SPAG9: variants seen among roughly 807,000 people sequenced by gnomAD.
SPAG9 encodes the protein C-Jun-amino-terminal kinase-interacting protein 4.
A neutral mutation model predicts 166.5 loss-of-function variants in SPAG9; 35 were observed. The observed-to-expected ratio is 0.21, with a 90% CI of 0.16 to 0.28. SPAG9 has a LOEUF of 0.28. SPAG9 is among the 10% of genes least tolerant of loss of function. The probability of loss-of-function intolerance (pLI) is 1.00; values close to 1 mark genes in which losing one functional copy is unlikely to be tolerated. For synonymous variants in SPAG9, 534 were observed against 565.5 expected (o/e 0.94, Z 0.79); for missense variants, 1,235 against 1,603.3 (o/e 0.77, Z 3.92).
chr17:51,070,298 C>G (rs1284178136), intron 2 of SPAG9, among the ~76,000 whole-genome samples: 1 of 152,138 alleles, frequency 6.6e-6, no homozygotes, highest in Non-Finnish European at 1.5e-5. Context: ...TATATCAGCT[C>G]TGTGTGCTAA....
At chr17:50,980,291 C>T (rs1328328887) in intron 25 of SPAG9, among the ~76,000 whole-genome samples, 1 of 151,962 alleles carries the variant, frequency 6.6e-6, no homozygotes, top group East Asian at 2.0e-4. Context: ...CTGCAACCTC[C>T]CCTTCCTGGG....
At chr17:50,980,934 T>C (rs1213193754) in intron 25 of SPAG9, among the ~76,000 whole-genome samples, 3 of 152,132 alleles carry the variant, frequency 2.0e-5, no homozygotes, top group Non-Finnish European at 4.4e-5. Context: ...CCCAGGAGTC[T>C]GAGGCTGCAG....
intron 1 of SPAG9, among the ~76,000 whole-genome samples, chr17:51,083,467 C>A (rs1232536728): frequency 6.6e-6 from 1 of 151,712 alleles, no homozygotes; most frequent in African/African-American, 2.4e-5. Context: ...GAACTCCTGA[C>A]CTCAAGTGAT....
intron 29 of SPAG9, among the ~76,000 whole-genome samples, chr17:50,968,439 A>C (rs1973523048): frequency 6.6e-6 from 1 of 152,184 alleles, no homozygotes; most frequent in Non-Finnish European, 1.5e-5. Context: ...CAGTTTATTT[A>C]TAGCAAATAA....
At chr17:51,046,398 A>T (rs1342452483) in intron 4 of SPAG9, 1 of 777,118 alleles carries the variant, frequency 1.3e-6, no homozygotes, top group African/African-American at 1.8e-5. Flanking sequence ...GCCATTTTCC[A>T]TTGTTTCAAT....
At chr17:51,033,605 T>C (rs1468193124) in intron 5 of SPAG9, among the ~76,000 whole-genome samples, 2 of 152,232 alleles carry the variant, frequency 1.3e-5, no homozygotes, top group African/African-American at 4.8e-5. Flanking sequence ...TACAGTGAAC[T>C]GCAACCTGGA....
chr17:51,063,151 G>C (rs2047564387), intron 2 of SPAG9, among the ~76,000 whole-genome samples: 1 of 152,110 alleles, frequency 6.6e-6, no homozygotes, highest in African/African-American at 2.4e-5. Flanking sequence ...GCTCACGCCT[G>C]TAATCCCAGT....
chr17:51,101,660 G>A (rs1446858493), intron 1 of SPAG9, among the ~76,000 whole-genome samples: 1 of 151,620 alleles, frequency 6.6e-6, no homozygotes, highest in East Asian at 1.9e-4. Flanking sequence ...TTTCACTATT[G>A]TTGCCCAGGC....
rs1050930723 is a variant in SPAG9, at chr17:50,966,094, C to T, written c.*178G>A. On this transcript the variant is annotated 3_prime_UTR_variant, in exon 30 of 30. Transcript: ENST00000262013. ...CTATAACACTGGTGCAGTAACACAGCTAGTTCCTCTGTATTGTTATGGTAG... is the reference window on the plus strand; with the variant it reads ...CTATAACACTGGTGCAGTAACACAGTTAGTTCCTCTGTATTGTTATGGTAG... 19 of 588,628 alleles carry T rather than the reference C, an allele frequency of 3.2e-5. No individual in the cohort carries two copies. The highest frequency in any genetic ancestry group is 4.9e-5 in the Non-Finnish European group (16 of 326,196). 36.5% of individuals were successfully genotyped at this position (588,628 alleles called of 1,614,324 possible).
intron 26 of SPAG9, 97 bp from the exon 27 acceptor site, chr17:50,977,318 A>C: frequency 1.3e-6 from 1 of 747,690 alleles, no homozygotes; most frequent in South Asian, 1.5e-5. Context: ...AAAACAAAAA[A>C]AAAAGAAAGA....
At chr17:51,069,034 ATT>A (rs2047748146) in intron 2 of SPAG9, among the ~76,000 whole-genome samples, 1 of 152,136 alleles carries the variant, frequency 6.6e-6, no homozygotes, top group African/African-American at 2.4e-5. Context: ...GCTGATATAT[ATT>A]GTTTATTAAA....
rs1319907622 is a variant in SPAG9 at position 50,975,916 on chromosome 17, G to A, written c.3524-969C>T. ...GAGGATTACGGCTAAAGTGAGAAAG[G>A]AGGAAAGGGGACATGGAGAGGTGCA... On this transcript the variant is annotated intron_variant, in intron 27 of 29. Coordinates refer to ENST00000262013, the MANE Select transcript of SPAG9 (RefSeq NM_001130528.3). The A allele has an allele frequency of 4.6e-6, 7 of 1,532,856 alleles. No homozygotes were observed. The African/African-American group carries it at 6.9e-5, about 15-fold the overall frequency. 95.0% of individuals were successfully genotyped at this position (1,532,856 alleles called of 1,614,324 possible). A position where few individuals can be genotyped will look rare whatever the true frequency, so the allele number is the denominator to read the frequency against.
chr17:51,120,798 G>A lies in SPAG9; in HGVS notation c.-142C>T, dbSNP rs995587184. On this transcript the variant is annotated 5_prime_UTR_variant, in exon 1 of 30. Coordinates refer to ENST00000262013, the MANE Select transcript of SPAG9 (RefSeq NM_001130528.3). The surrounding 1 kb of genome is among the most constrained non-coding windows in gnomAD (Gnocchi z 4.7). ...GGGCTGGGGCTGGGCCCGGCGGGGT[G>A]GGGGCCGGGGCCGGAGGAGGGGAGG... The A allele has an allele frequency of 2.1e-5, 12 of 577,936 alleles. No homozygotes were observed. The East Asian group carries it at 4.0e-4, about 19-fold the overall frequency. The allele number at this position is 577,936 out of a possible 1,614,324, so 35.8% of individuals were successfully genotyped here.
intron 8 of SPAG9, among the ~76,000 whole-genome samples, chr17:51,017,519 TGAGAGAGAGA>T (rs60839678): frequency 4.8e-4 from 71 of 147,332 alleles, no homozygotes; most frequent in Admixed American, 1.0e-3. Context: ...AGAACCTGTC[TGAGAGAGAGA>T]GAGAGAGAGA....
chr17:50,999,790 A>T, intron 13 of SPAG9, 73 bp from the exon 14 acceptor site: 1 of 1,321,258 alleles, frequency 7.6e-7, no homozygotes, highest in African/African-American at 1.5e-5. Context: ...AGAACAAGAG[A>T]CCCAAGAAGT....
Position 51,120,327 on chromosome 17 carries a change from C to T in SPAG9, c.303+27G>A, listed in dbSNP as rs1173105159. 1 of 1,511,572 alleles carries T rather than the reference C, an allele frequency of 6.6e-7. No homozygotes were observed. Among genetic ancestry groups the T allele is most frequent in the Non-Finnish European group, 8.8e-7 (1 of 1,130,584 alleles). The allele number at this position is 1,511,572 out of a possible 1,614,324, so 93.6% of individuals were successfully genotyped here. ...CGGCCGCCCCCGGAGACGGATCCCG[C>T]GGCCCCCGCCCTGCCGCCGGCCTCA... On this transcript the variant is annotated intron_variant, in intron 1 of 29. Coordinates refer to ENST00000262013, the MANE Select transcript of SPAG9 (RefSeq NM_001130528.3). The surrounding 1 kb of genome is among the most constrained non-coding windows in gnomAD (Gnocchi z 4.7).
chr17:51,116,015 C>T (rs977132418), intron 1 of SPAG9, among the ~76,000 whole-genome samples: 3 of 151,928 alleles, frequency 2.0e-5, no homozygotes, highest in African/African-American at 4.8e-5. Context: ...TCTTTAAACT[C>T]GTATGTCTAC....
rs186765211 is a variant in SPAG9 at position 51,012,135 on chromosome 17, C to T, written c.1213+2097G>A. ...AATATACATTTTAAAATTCTTCTAA[C>T]ATTTTTTCATCTGCTCCTCAAATTT... On this transcript the variant is annotated intron_variant, in intron 9 of 29. Transcript: ENST00000262013. Among the ~76,000 whole-genome samples the T allele has an allele frequency of 2.6e-5, 4 of 152,284 alleles. No individual in the cohort carries two copies. The East Asian group carries it at 7.7e-4, about 29-fold the overall frequency.
intron 1 of SPAG9, among the ~76,000 whole-genome samples, chr17:51,088,749 G>T (rs1237617368): frequency 6.6e-6 from 1 of 151,772 alleles, no homozygotes; most frequent in Non-Finnish European, 1.5e-5. Context: ...AGTGAGCCGA[G>T]ATCGTGCCAC....
Sources: gnomAD v4.1 joint callset for allele counts (sites outside exome capture counted in the v4.1 genomes callset) on GRCh38, gnomAD v4.1.1 for gene constraint, Gnocchi (gnomAD v3.1) non-coding constraint, MANE v1.5 for transcripts, NCBI Gene and HGNC (gene_info 2026-07-23, HGNC 2026-07-21) for gene names.